LPAR6: variants seen among roughly 807,000 people sequenced by gnomAD.
LPAR6 encodes G-protein coupled purinergic receptor P2Y5.
LPAR6 carries 17 observed loss-of-function variants against 22.0 expected under a neutral mutation model. That is an observed-to-expected ratio of 0.77 (90% CI 0.53 to 1.16). The LOEUF (loss-of-function observed/expected upper bound fraction) is 1.16, where lower values mean the gene tolerates loss of function less well. Ranked by LOEUF, LPAR6 falls within the 50% of genes most tolerant of loss-of-function variation. LPAR6 has a pLI of 0.00. For missense variants in LPAR6, 384 were observed against 406.9 expected (o/e 0.94, Z 0.48); for synonymous variants, 136 against 139.8 (o/e 0.97, Z 0.19).
At chr13:48,401,754 A>G (rs1948693948) in intron 1 of LPAR6, among the ~76,000 whole-genome samples, 1 of 152,220 alleles carries the variant, frequency 6.6e-6, no homozygotes, top group Admixed American at 6.5e-5. Flanking sequence ...GAAACGTAGA[A>G]TAGGAAACAG....
chr13:48,440,064 A>G (rs191001276), intron 1 of LPAR6, among the ~76,000 whole-genome samples: 1 of 152,224 alleles, frequency 6.6e-6, no homozygotes, highest in Non-Finnish European at 1.5e-5. Flanking sequence ...TTACATTAGA[A>G]TCTGCTTAGG....
intron 2 of LPAR6, among the ~76,000 whole-genome samples, chr13:48,421,247 C>T (rs1278303002): frequency 1.3e-5 from 2 of 151,718 alleles, no homozygotes; most frequent in Non-Finnish European, 3.0e-5. Context: ...ACAACCATCT[C>T]ATCTTTGACA....
intron 1 of LPAR6, among the ~76,000 whole-genome samples, chr13:48,441,901 C>T (rs1949240762): frequency 6.6e-6 from 1 of 152,132 alleles, no homozygotes; most frequent in Admixed American, 6.5e-5. Flanking sequence ...TATTTATTCA[C>T]TTGTTTTTAA....
chr13:48,390,502 C>T (rs1464067263), intron 1 of LPAR6, among the ~76,000 whole-genome samples: 1 of 152,062 alleles, frequency 6.6e-6, no homozygotes, highest in African/African-American at 2.4e-5. Flanking sequence ...GTCTTCAGTG[C>T]TTGAGGGGAG....
chr13:48,401,534 G>A (rs965763871), intron 1 of LPAR6: 1 of 152,008 alleles, frequency 6.6e-6, no homozygotes, highest in Admixed American at 6.6e-5. Context: ...CAACTTTTTG[G>A]CATTTCATTT....
In LPAR6 at chr13:48,421,261, A is replaced by G. The variant is rs61948662; in HGVS notation, c.-954+1389T>C. On this transcript the variant is annotated intron_variant, in intron 2 of 4. Transcript: ENST00000345941. Reference sequence around the variant, plus strand: ...TACAACCATCTCATCTTTGACAAAGATGAGACAAAGGATTCCGTTTAATAA... The same window carrying G: ...TACAACCATCTCATCTTTGACAAAGGTGAGACAAAGGATTCCGTTTAATAA... 3.5e-3 allele frequency among the ~76,000 whole-genome samples: 533 copies of G among 151,184 alleles called. 1 individual carries two copies. The highest frequency in any genetic ancestry group is 0.011 in the South Asian group (52 of 4,804).
At chr13:48,410,306 A>G (rs1948781972), downstream of LPAR6, among the ~76,000 whole-genome samples, 1 of 152,200 alleles carries the variant, frequency 6.6e-6, no homozygotes. Flanking sequence ...CCATTATTTT[A>G]CAGTTGCCTA....
intron 1 of LPAR6, among the ~76,000 whole-genome samples, chr13:48,397,593 G>C (rs1948658863): frequency 6.6e-6 from 1 of 152,080 alleles, no homozygotes; most frequent in Non-Finnish European, 1.5e-5. Context: ...GTATACCTAT[G>C]TAACAAACCT....
intron 1 of LPAR6, among the ~76,000 whole-genome samples, chr13:48,441,562 G>GT (rs1949237089): frequency 1.3e-5 from 2 of 152,150 alleles, no homozygotes; most frequent in Admixed American, 1.3e-4. Flanking sequence ...GGAACTTGGA[G>GT]TAGGTCCACC....
chr13:48,411,853 C>A lies in LPAR6; in HGVS notation c.571G>T (p.Val191Leu). 6.2e-7 allele frequency: 1 copy of A among 1,613,752 alleles called. No homozygotes were observed. The highest frequency in any genetic ancestry group is 8.5e-7 in the Non-Finnish European group (1 of 1,179,706). ...LSRIVIFIEI[V>L]GFFIPLILNV... ...AAAATTAGAGGAATAAAAAATCCCA[C>A]TATTTCGATGAAAATTACAATCCTT... The change falls in exon 1 of 1, where the codon GTG (valine) becomes TTG (leucine). Residue 191 changes from valine (V) to leucine (L), a missense_variant. Physicochemically the swap from Val to Leu is conservative, Grantham distance 32. Transcript: ENST00000620633.
chr13:48,424,178 T>C (rs1949047514), intron 1 of LPAR6: 1 of 152,614 alleles, frequency 6.6e-6, no homozygotes, highest in African/African-American at 2.4e-5. Context: ...CATTTGTAAT[T>C]TATGTTGACA....
At chr13:48,405,838 A>G (rs555085580) in intron 1 of LPAR6, among the ~76,000 whole-genome samples, 1 of 152,316 alleles carries the variant, frequency 6.6e-6, no homozygotes, top group Admixed American at 6.5e-5. Context: ...TATAAAAATA[A>G]GCAGGTATGC....
intron 1 of LPAR6, among the ~76,000 whole-genome samples, chr13:48,402,394 A>G (rs973105170): frequency 4.9e-4 from 3 of 6,098 alleles, no homozygotes; most frequent in African/African-American, 3.9e-4. Flanking sequence ...TTTTTTTTTA[A>G]ACAGATGAGT....
rs538907264 is a variant in LPAR6, at chr13:48,395,332, G to A, written n.115-5520C>T. Among the ~76,000 whole-genome samples the A allele has an allele frequency of 7.2e-5, 11 of 152,232 alleles. No individual in the cohort carries two copies. The East Asian group carries it at 7.7e-4, about 11-fold the overall frequency. ...GGCTGAAAATTCCAAAAACCAGAGCGCCTTTTCTCTTCCAAAGAATGACAA... is the reference window on the plus strand; with the variant it reads ...GGCTGAAAATTCCAAAAACCAGAGCACCTTTTCTCTTCCAAAGAATGACAA... On this transcript the variant is annotated intron_variant and non_coding_transcript_variant, in intron 1 of 1. Coordinates refer to the LPAR6 transcript ENST00000462781.
intron 1 of LPAR6, among the ~76,000 whole-genome samples, chr13:48,442,836 T>C (rs991381495): frequency 1.3e-5 from 2 of 152,050 alleles, no homozygotes; most frequent in African/African-American, 4.8e-5. Flanking sequence ...AACAGAACAA[T>C]CACAAAATAT....
intron 1 of LPAR6, among the ~76,000 whole-genome samples, chr13:48,425,384 G>T (rs1321980901): frequency 6.6e-6 from 1 of 152,208 alleles, no homozygotes; most frequent in Non-Finnish European, 1.5e-5. Flanking sequence ...ATTCCTGGAA[G>T]ATGTTAATTC....
intron 2 of LPAR6, among the ~76,000 whole-genome samples, chr13:48,418,759 C>G (rs1269298441): frequency 6.7e-6 from 1 of 149,654 alleles, no homozygotes; most frequent in African/African-American, 2.5e-5. Context: ...ATAAAACAGA[C>G]TTTAAACCAA....
Position 48,411,319 on chromosome 13 carries a change from T to A in LPAR6, c.*70A>T. On this transcript the variant is annotated 3_prime_UTR_variant, in exon 1 of 1. Coordinates refer to ENST00000620633, the MANE Select transcript of LPAR6 (RefSeq NM_001162498.3). ...CTTTTGGAGGTGGAAAAATAGTTTGTCCAAAAAGACACTTTTCACAGTTGA... is the reference window on the plus strand; with the variant it reads ...CTTTTGGAGGTGGAAAAATAGTTTGACCAAAAAGACACTTTTCACAGTTGA... 7.9e-7 allele frequency: 1 copy of A among 1,270,700 alleles called. No individual in the cohort carries two copies. The highest frequency in any genetic ancestry group is 1.1e-6 in the Non-Finnish European group (1 of 876,322). The allele number at this position is 1,270,700 out of a possible 1,614,324, so 78.7% of individuals were successfully genotyped here.
At chr13:48,414,658 T>C (rs1015416201), upstream of LPAR6, among the ~76,000 whole-genome samples, 8 of 151,840 alleles carry the variant, frequency 5.3e-5, no homozygotes, top group East Asian at 1.9e-4. Context: ...AAATAACTTA[T>C]TACAGTAAAA....
Sources: allele counts gnomAD v4.1 joint callset (sites outside exome capture counted in the v4.1 genomes callset), GRCh38; gene constraint gnomAD v4.1.1; transcripts MANE v1.5; gene names NCBI Gene and HGNC (gene_info 2026-07-23, HGNC 2026-07-21).